The following LRP4 variants were observed in gnomAD, a reference collection of about 807,000 sequenced individuals.
LRP4 encodes the protein low-density lipoprotein receptor-related protein 4.
A neutral mutation model predicts 220.3 loss-of-function variants in LRP4; 95 were observed. The observed-to-expected ratio is 0.43, with a 90% CI of 0.37 to 0.51. The LOEUF is 0.51. LRP4 is among the 20% of genes least tolerant of loss of function. LRP4 has a pLI of 0.00. For synonymous variants in LRP4, 903 were observed against 954.6 expected, an observed-to-expected ratio of 0.95 and a Z score of 1.00; for missense variants, 1,925 against 2,567.0, an observed-to-expected ratio of 0.75 and a Z score of 5.40.
chr11:46,880,520 C>T (rs2134811849), intron 20 of LRP4, among the ~76,000 whole-genome samples: 1 of 152,110 alleles, frequency 6.6e-6, no homozygotes, highest in East Asian at 1.9e-4. Flanking sequence ...GCCTGTGGTC[C>T]CAGCTACGTG....
intron 13 of LRP4, among the ~76,000 whole-genome samples, chr11:46,892,215 G>C (rs1941438771): frequency 6.6e-6 from 1 of 152,164 alleles, no homozygotes; most frequent in Non-Finnish European, 1.5e-5. Context: ...TTATAGGTGT[G>C]AGCCACTGTG....
intron 1 of LRP4, among the ~76,000 whole-genome samples, chr11:46,916,528 C>T (rs1222538162): frequency 6.9e-6 from 1 of 145,706 alleles, no homozygotes. Flanking sequence ...GCAATTCTCT[C>T]CCCCCATTCT....
chr11:46,858,894 A>T lies in LRP4; in HGVS notation c.*89T>A, dbSNP rs2134750068. The T allele has an allele frequency of 7.8e-7, 1 of 1,274,408 alleles. No individual in the cohort carries two copies. The highest frequency in any genetic ancestry group is 1.1e-6 in the Non-Finnish European group (1 of 874,566). The allele number at this position is 1,274,408 out of a possible 1,614,324, so 78.9% of individuals were successfully genotyped here. A position where few individuals can be genotyped will look rare whatever the true frequency, so the allele number is the denominator to read the frequency against. On this transcript the variant is annotated 3_prime_UTR_variant, in exon 38 of 38. Coordinates refer to ENST00000378623, the MANE Select transcript of LRP4 (RefSeq NM_002334.4). ...GGGAGGAGGAGGAGGACAAGCACAC[A>T]GAAGCGGGGCCTGCGGTGTAAGCGA... is the stretch of plus-strand genomic sequence containing the variant.
chr11:46,865,876 T>C (rs1940682399), intron 34 of LRP4, among the ~76,000 whole-genome samples: 2 of 152,220 alleles, frequency 1.3e-5, no homozygotes, highest in South Asian at 4.1e-4. Context: ...TAATGACTGA[T>C]AGTACTTAAA....
intron 16 of LRP4, 131 bp from the exon 17 acceptor site, chr11:46,886,664 C>T (rs1046250120): frequency 1.8e-5 from 14 of 757,856 alleles, no homozygotes; most frequent in Non-Finnish European, 1.6e-5. Context: ...GCCCCCTATA[C>T]TTTATACCTC....
At chr11:46,904,778 C>T (rs1941732664) in intron 1 of LRP4, among the ~76,000 whole-genome samples, 3 of 151,756 alleles carry the variant, frequency 2.0e-5, no homozygotes, top group Non-Finnish European at 4.4e-5. Context: ...GAGACCAGCC[C>T]GGGGAACATG....
Position 46,893,107 on chromosome 11 carries a change from G to C in LRP4, c.1563C>G (p.Val521=). The change falls in exon 13 of 38, where the codon GTC becomes GTG. Residue 521 remains valine (V), a synonymous_variant. Transcript: ENST00000378623. ...ESPGGLAVDW[V]HDKLYWTDSG... Reference sequence around the variant, plus strand: ...AGTCGGTCCAGTAGAGTTTGTCATGGACCCAATCCACAGCCAGGCCCCCTG... The same window carrying C: ...AGTCGGTCCAGTAGAGTTTGTCATGCACCCAATCCACAGCCAGGCCCCCTG... 1 of 1,614,160 alleles carries C rather than the reference G, an allele frequency of 6.2e-7. No homozygotes were observed. The highest frequency in any genetic ancestry group is 2.2e-5 in the East Asian group (1 of 44,882).
chr11:46,877,761 C>T (rs1393946703), intron 22 of LRP4, among the ~76,000 whole-genome samples: 4 of 152,190 alleles, frequency 2.6e-5, no homozygotes, highest in Non-Finnish European at 5.9e-5. Context: ...AGCCACTACT[C>T]TCAGCTTAAA....
At chr11:46,878,176 C>T (rs1941063415) in intron 22 of LRP4, among the ~76,000 whole-genome samples, 2 of 151,896 alleles carry the variant, frequency 1.3e-5, no homozygotes, top group Non-Finnish European at 2.9e-5. Flanking sequence ...AGGTTGTGCA[C>T]TCACAAAAGT....
chr11:46,902,684 G>T, intron 2 of LRP4, 99 bp downstream of exon 2: 3 of 1,423,550 alleles, frequency 2.1e-6, no homozygotes, highest in South Asian at 1.2e-5. Flanking sequence ...CTCTGAGTCC[G>T]ACACAGTTGA....
At position 46,896,303 on chromosome 11, in the gene LRP4, A is replaced by G; in HGVS notation, c.955T>C (p.Cys319Arg). The G allele has an allele frequency of 6.2e-7, 1 of 1,614,144 alleles. No individual in the cohort carries two copies. Among genetic ancestry groups the G allele is most frequent in the Non-Finnish European group, 8.5e-7 (1 of 1,180,026 alleles). Residue 319 changes from cysteine to arginine, a missense_variant, in exon 9 of 38, where the codon TGT becomes CGT. By Grantham distance (180) the Cys-to-Arg change is radical (BLOSUM62 -3). Around this residue, in one of 3 missense-constraint regions of LRP4, gnomAD observed 412 missense variants for 505.4 expected, o/e 0.82. Transcript: ENST00000378623. ...TGCCCAATGCAGCGCCCATTCCAAC[A>G]CAGGAACTGGTCCAAGGCACATTGG... ...SPQCALDQFL[C>R]WNGRCIGQRK...
intron 16 of LRP4, among the ~76,000 whole-genome samples, chr11:46,888,651 C>T (rs1393472289): frequency 1.3e-5 from 2 of 149,670 alleles, no homozygotes; most frequent in Non-Finnish European, 3.0e-5. Context: ...TGAATGTTTT[C>T]CCTAACCACA....
chr11:46,895,341 T>G (rs761538614), intron 10 of LRP4, 50 bp from the exon 11 acceptor site: 3 of 1,604,868 alleles, frequency 1.9e-6, no homozygotes, highest in Non-Finnish European at 2.5e-6. Context: ...GTCCTCCCAC[T>G]CCCGCTCCCA....
chr11:46,899,866 A>G lies in LRP4; in HGVS notation c.427T>C (p.Cys143Arg). 1 of 1,613,708 alleles carries G rather than the reference A, an allele frequency of 6.2e-7. No homozygotes were observed. Among genetic ancestry groups the G allele is most frequent in the Non-Finnish European group, 8.5e-7 (1 of 1,179,922 alleles). ...TTCCCCCGTTGGGGTCACCCACCAC[A>G]CTGCTCATCGCTGTTGTCGCCACAG... is the stretch of plus-strand genomic sequence containing the variant. Reference protein sequence around the residue: ...NDCGDNSDEQCDMRKCSDKEF... With the variant: ...NDCGDNSDEQRDMRKCSDKEF... The change falls in exon 4 of 38, where the codon TGT becomes CGT. Residue 143 changes from cysteine (C) to arginine (R), a missense_variant. Coordinates refer to ENST00000378623, the MANE Select transcript of LRP4 (RefSeq NM_002334.4). The surrounding 1 kb of genome is among the most constrained non-coding windows in gnomAD (Gnocchi z 5.9).
chr11:46,899,980 T>C lies in LRP4; in HGVS notation c.317-4A>G. 1 of 1,609,386 alleles carries C rather than the reference T, an allele frequency of 6.2e-7. No homozygotes were observed. Among genetic ancestry groups the C allele is most frequent in the Non-Finnish European group, 8.5e-7 (1 of 1,176,300 alleles). ...TCCTCCTCACACTCCCGGGGGGCTG[T>C]GGGCACAGAGCAGTCAGGCTGCTGC... On this transcript the variant is annotated splice_polypyrimidine_tract_variant and splice_region_variant and intron_variant, in intron 3 of 37. Transcript: ENST00000378623. This position sits in a 1 kb window ranked among gnomAD's most constrained non-coding sequence, Gnocchi z 5.9.
In LRP4 at chr11:46,889,713, A is replaced by G. The variant is rs543592068; in HGVS notation, c.2093-180T>C. On this transcript the variant is annotated intron_variant, in intron 15 of 37. Coordinates refer to ENST00000378623, the MANE Select transcript of LRP4 (RefSeq NM_002334.4). ...ACCCGGCACAGAGGAGATGCCCTGT[A>G]AATGTCTGCCTGAATTAGATGGGAA... 339 of 886,480 alleles carry G rather than the reference A, an allele frequency of 3.8e-4. 3 individuals carry two copies. In the South Asian group the frequency reaches 4.6e-3, roughly 12 times the overall value. 54.9% of individuals were successfully genotyped at this position (886,480 alleles called of 1,614,324 possible). A position where few individuals can be genotyped will look rare whatever the true frequency, so the allele number is the denominator to read the frequency against.
rs746299717 is a variant in LRP4, at chr11:46,911,600, ATAAAT to A, written c.52+6723_52+6727del. On this transcript the variant is annotated intron_variant, in intron 1 of 37. Transcript: ENST00000378623. ...TGAGAACCTGTCTCAAAAAAAAAAA[ATAAAT>A]AAATAAATAAAAATAAAGTCTCTCT... 1.1e-4 allele frequency among the ~76,000 whole-genome samples: 15 copies of A among 133,116 alleles called. 3 individuals carry two copies. Among genetic ancestry groups the A allele is most frequent in the East Asian group, 4.2e-4 (2 of 4,742 alleles). 87.3% of individuals were successfully genotyped at this position (133,116 alleles called of 152,430 possible).
chr11:46,875,696 G>C lies in LRP4; in HGVS notation c.3700-15C>G, dbSNP rs1272225845. On this transcript the variant is annotated splice_polypyrimidine_tract_variant and intron_variant, in intron 26 of 37. Coordinates refer to ENST00000378623, the MANE Select transcript of LRP4 (RefSeq NM_002334.4). This position sits in a 1 kb window ranked among gnomAD's most constrained non-coding sequence, Gnocchi z 4.5. ...GCCTCAATTCGCTGCAGAGGAAGGA[G>C]AGGGTGGGGGGTGGTGATCAGCAGA... 6.2e-7 allele frequency: 1 copy of C among 1,613,534 alleles called. No individual in the cohort carries two copies. The highest frequency in any genetic ancestry group is 1.1e-5 in the South Asian group (1 of 91,064).
chr11:46,899,950 ACTCGTC>A lies in LRP4; in HGVS notation c.337_342del (p.Asp113_Glu114del). On this transcript the variant is annotated inframe_deletion, in exon 4 of 38. Transcript: ENST00000378623. The surrounding 1 kb of genome is among the most constrained non-coding windows in gnomAD (Gnocchi z 5.9). ...ATGCAGTAGCCATTCTGGCAGGGAA[ACTCGTC>A]CTCCTCACACTCCCGGGGGGCTGTG... 3 of 1,613,436 alleles carry A rather than the reference ACTCGTC, an allele frequency of 1.9e-6. No homozygotes were observed. The highest frequency in any genetic ancestry group is 2.5e-6 in the Non-Finnish European group (3 of 1,179,880).
Sources: allele counts gnomAD v4.1 joint callset (sites outside exome capture counted in the v4.1 genomes callset), GRCh38; gene constraint gnomAD v4.1.1; regional missense constraint gnomAD v4.1.1; non-coding constraint Gnocchi (gnomAD v3.1); transcripts MANE v1.5; gene names NCBI Gene and HGNC (gene_info 2026-07-23, HGNC 2026-07-21).